The following MID1 variants were observed in gnomAD, a reference collection of about 807,000 sequenced individuals.
MID1 encodes the protein midline 1, also known as E3 ubiquitin-protein ligase Midline-1.
Under a neutral mutation model 40.4 loss-of-function variants are expected in MID1, and 7 were observed. The observed-to-expected ratio is 0.17, with a 90% CI of 0.10 to 0.33. The LOEUF is 0.33. Ranked by LOEUF, MID1 falls within the 10% of genes least tolerant of loss-of-function variation. MID1 has a pLI of 1.00. For synonymous variants in MID1, 229 were observed against 221.2 expected (o/e 1.04, Z -0.31); for missense variants, 367 against 558.5 (o/e 0.66, Z 3.46).
rs1294502628 is a variant in MID1 at position 10,506,065 on chromosome X, C to T, written c.757-10374G>A. 5 of 781,188 alleles carry T rather than the reference C, an allele frequency of 6.4e-6. No homozygotes were observed. The Admixed American group carries it at 2.4e-4, about 37-fold the overall frequency. 64.4% of individuals were successfully genotyped at this position (781,188 alleles called of 1,213,427 possible). A position where few individuals can be genotyped will look rare whatever the true frequency, so the allele number is the denominator to read the frequency against. ...TAAGCTTTGTTCTGCCTTCATGACGCACCCACAAGTGATATCTATGAAATA... is the reference window on the plus strand; with the variant it reads ...TAAGCTTTGTTCTGCCTTCATGACGTACCCACAAGTGATATCTATGAAATA... On this transcript the variant is annotated intron_variant, in intron 3 of 9. Transcript: ENST00000317552.
chrX:10,767,960 C>T (rs890326297), intron 1 of MID1, among the ~76,000 whole-genome samples: 2 of 111,478 alleles, frequency 1.8e-5, no homozygotes, highest in Non-Finnish European at 3.8e-5. Context: ...GTGGGTTGTA[C>T]GTTTGCCCAG....
chrX:10,523,370 C>A (rs1448532621), intron 2 of MID1, among the ~76,000 whole-genome samples, 183 bp from the exon 3 acceptor site: 2 of 111,555 alleles, frequency 1.8e-5, no homozygotes, highest in African/African-American at 6.5e-5. Context: ...TTAAAAGAAC[C>A]TTTTAGACAC....
intron 1 of MID1, among the ~76,000 whole-genome samples, chrX:10,781,335 G>A (rs2043844127): frequency 9.0e-6 from 1 of 111,725 alleles, no homozygotes; most frequent in South Asian, 3.8e-4. Flanking sequence ...GATATCCCCA[G>A]AGTATACCTT....
chrX:10,740,339 A>G (rs2043514968), intron 1 of MID1, among the ~76,000 whole-genome samples: 1 of 113,010 alleles, frequency 8.8e-6, no homozygotes, highest in Non-Finnish European at 1.9e-5. Flanking sequence ...TCAGATAAGG[A>G]AACAGGAACT....
At chrX:10,727,391 T>C (rs920558470) in intron 1 of MID1, among the ~76,000 whole-genome samples, 6 of 113,080 alleles carry the variant, frequency 5.3e-5, no homozygotes, top group Non-Finnish European at 1.1e-4. Flanking sequence ...AGTGCTGGGA[T>C]GACAGGCGTG....
At chrX:10,718,593 T>A (rs2043323383) in intron 1 of MID1, among the ~76,000 whole-genome samples, 1 of 111,619 alleles carries the variant, frequency 9.0e-6, no homozygotes, top group African/African-American at 3.3e-5. Flanking sequence ...AACAGATGGA[T>A]TCACAGCCGA....
At chrX:10,513,931 G>A (rs868828149) in intron 3 of MID1, among the ~76,000 whole-genome samples, 1 of 112,299 alleles carries the variant, frequency 8.9e-6, no homozygotes, top group Non-Finnish European at 1.9e-5. Flanking sequence ...AGAAGGTTGT[G>A]TGTGGAATAC....
intron 1 of MID1, among the ~76,000 whole-genome samples, chrX:10,832,145 A>G (rs188916439): frequency 8.9e-6 from 1 of 112,602 alleles, no homozygotes; most frequent in Non-Finnish European, 1.9e-5. Context: ...TTATTTACTA[A>G]AGTGTCTATT....
At chrX:10,714,977 T>C (rs2043290974) in intron 1 of MID1, among the ~76,000 whole-genome samples, 1 of 112,945 alleles carries the variant, frequency 8.9e-6, no homozygotes, top group Non-Finnish European at 1.9e-5. Context: ...TCCTTTTGTA[T>C]ACTGTACATA....
chrX:10,640,611 C>A (rs201929977), intron 1 of MID1, among the ~76,000 whole-genome samples: 1 of 111,375 alleles, frequency 9.0e-6, no homozygotes, highest in African/African-American at 3.3e-5. Flanking sequence ...ATCAACAAGA[C>A]AGAAAGTTAA....
intron 3 of MID1, among the ~76,000 whole-genome samples, chrX:10,516,409 T>C (rs1160445625): frequency 1.8e-5 from 2 of 109,539 alleles, no homozygotes; most frequent in African/African-American, 6.6e-5. Context: ...TTAGCCAGGA[T>C]GGTCTCGATC....
chrX:10,447,655 T>C lies in MID1; in HGVS notation c.*1713A>G, dbSNP rs954467268. On this transcript the variant is annotated 3_prime_UTR_variant, in exon 10 of 10. Transcript: ENST00000317552. ...AATATTCATCTGGGTATAAATAATA[T>C]AGTAAATATATAGAATCTATCTGTT... 4.5e-5 allele frequency: 5 copies of C among 111,480 alleles called. No homozygotes were observed. Among genetic ancestry groups the C allele is most frequent in the African/African-American group, 3.3e-5 (1 of 30,729 alleles). The allele number at this position is 111,480 out of a possible 1,213,427, so 9.2% of individuals were successfully genotyped here.
Position 10,523,192 on chromosome X carries a change from T to TC in MID1, c.661-6dup, listed in dbSNP as rs1932769944. Reference sequence around the variant, plus strand: ...GAGGTTACTCTCTAAGTTTTGCTGTTCAAAAAAAAAAAAAAAAGAGGAAAA... The same window carrying TC: ...GAGGTTACTCTCTAAGTTTTGCTGTTCCAAAAAAAAAAAAAAAAGAGGAAAA... On this transcript the variant is annotated splice_region_variant and splice_polypyrimidine_tract_variant and intron_variant, in intron 2 of 9. Transcript: ENST00000317552. 3 of 975,410 alleles carry TC rather than the reference T, an allele frequency of 3.1e-6. No homozygotes were observed. The highest frequency in any genetic ancestry group is 4.1e-6 in the Non-Finnish European group (3 of 735,134). The allele number at this position is 975,410 out of a possible 1,213,427, so 80.4% of individuals were successfully genotyped here.
intron 1 of MID1, among the ~76,000 whole-genome samples, chrX:10,763,258 C>T (rs1711260261): frequency 9.1e-6 from 1 of 109,489 alleles, no homozygotes; most frequent in Non-Finnish European, 1.9e-5. Context: ...TAGTGTGCTG[C>T]ACCCATCAAC....
At chrX:10,822,945 C>T (rs2044186528) in intron 1 of MID1, among the ~76,000 whole-genome samples, 1 of 111,557 alleles carries the variant, frequency 9.0e-6, no homozygotes, top group African/African-American at 3.3e-5. Context: ...GCAGAAATAC[C>T]ATTTGAGTCA....
intron 1 of MID1, among the ~76,000 whole-genome samples, chrX:10,781,081 A>C (rs1222503722): frequency 2.7e-5 from 3 of 111,929 alleles, no homozygotes; most frequent in African/African-American, 9.7e-5. Context: ...CTGAGAATTA[A>C]GAATTGAAGT....
chrX:10,658,813 T>C (rs1016800132), intron 1 of MID1, among the ~76,000 whole-genome samples: 2 of 111,790 alleles, frequency 1.8e-5, no homozygotes, highest in Non-Finnish European at 3.8e-5. Flanking sequence ...TCCCCAGCTC[T>C]GGTTAAATTA....
rs150003333 is a variant in MID1 at position 10,467,508 on chromosome X, C to T, written c.1285+2189G>A. 6.0e-3 allele frequency among the ~76,000 whole-genome samples: 667 copies of T among 112,072 alleles called. 3 individuals are homozygous for T. Among genetic ancestry groups the T allele is most frequent in the Middle Eastern group, 0.018 (4 of 217 alleles). On this transcript the variant is annotated intron_variant, in intron 7 of 9. Coordinates refer to ENST00000317552, the MANE Select transcript of MID1 (RefSeq NM_000381.4). ...CCTGGAATTATCTTTTCCTTTCCAT[C>T]TCTGATGCTGGTGCCATTTGCAGGT...
Position 10,449,004 on chromosome X carries a change from G to T in MID1, c.*364C>A. 6.0e-6 allele frequency: 1 copy of T among 166,065 alleles called. No homozygotes were observed. Among genetic ancestry groups the T allele is most frequent in the Admixed American group, 7.0e-5 (1 of 14,251 alleles). The allele number at this position is 166,065 out of a possible 1,213,427, so 13.7% of individuals were successfully genotyped here. On this transcript the variant is annotated 3_prime_UTR_variant, in exon 10 of 10. Transcript: ENST00000317552. ...AACATACAAAACTACAAAAGTTTTT[G>T]TTTTTTTGTAAGCCCACAGATTGTG... is the stretch of plus-strand genomic sequence containing the variant.
Sources: allele counts gnomAD v4.1 joint callset (sites outside exome capture counted in the v4.1 genomes callset), GRCh38; gene constraint gnomAD v4.1.1; transcripts MANE v1.5; gene names NCBI Gene and HGNC (gene_info 2026-07-23, HGNC 2026-07-21).